Variants in ZDHHC21 observed in about 807,000 individuals in gnomAD.
ZDHHC21 encodes zDHHC palmitoyltransferase 21.
A neutral mutation model predicts 34.6 loss-of-function variants in ZDHHC21; 15 were observed. The observed-to-expected ratio is 0.43, with a 90% confidence interval of 0.29 to 0.67. The LOEUF is 0.67. ZDHHC21 is among the 30% of genes least tolerant of loss of function. The pLI is 0.14. For synonymous variants in ZDHHC21, 142 were observed against 101.8 expected, an observed-to-expected ratio of 1.40 and a Z score of -2.38; for missense variants, 344 against 327.7, an observed-to-expected ratio of 1.05 and a Z score of -0.38.
chr9:14,657,949 T>C (rs917875981), intron 7 of ZDHHC21, among the ~76,000 whole-genome samples: 1 of 152,184 alleles, frequency 6.6e-6, no homozygotes, highest in Non-Finnish European at 1.5e-5. Context: ...AATTTATCTA[T>C]AAATAAGATG....
At position 14,615,511 on chromosome 9, in the gene ZDHHC21, C is replaced by T. The variant is rs1185786387; in HGVS notation, c.*3455G>A. Reference sequence around the variant, plus strand: ...AAACAGCTATTTCTAATGTTAAGCACAAATATTTGTAATACAACTCTTAAG... The same window carrying T: ...AAACAGCTATTTCTAATGTTAAGCATAAATATTTGTAATACAACTCTTAAG... On this transcript the variant is annotated 3_prime_UTR_variant, in exon 10 of 10. Transcript: ENST00000380916. 2.0e-5 allele frequency: 3 copies of T among 151,786 alleles called. No homozygotes were observed. Among genetic ancestry groups the T allele is most frequent in the East Asian group, 3.9e-4 (2 of 5,172 alleles). The allele number at this position is 151,786 out of a possible 1,614,324, so 9.4% of individuals were successfully genotyped here.
At chr9:14,660,265 C>T (rs1244528157) in intron 6 of ZDHHC21, among the ~76,000 whole-genome samples, 1 of 147,394 alleles carries the variant, frequency 6.8e-6, no homozygotes, top group Non-Finnish European at 1.5e-5. Flanking sequence ...ACTCGGGAGG[C>T]TGAGGCAGGA....
chr9:14,687,449 T>A (rs929078123), intron 2 of ZDHHC21, among the ~76,000 whole-genome samples: 2 of 150,726 alleles, frequency 1.3e-5, no homozygotes, highest in Non-Finnish European at 2.9e-5. Context: ...GGTGGGCAGA[T>A]CATCTGAGGT....
chr9:14,652,404 G>A (rs1831388260), intron 7 of ZDHHC21, among the ~76,000 whole-genome samples: 1 of 151,822 alleles, frequency 6.6e-6, no homozygotes, highest in Non-Finnish European at 1.5e-5. Context: ...GCACATCTTA[G>A]TCCTTACTTC....
At chr9:14,658,464 CTTTTTTTTTTTTTT>C (rs769819264) in intron 7 of ZDHHC21, among the ~76,000 whole-genome samples, 5 of 65,390 alleles carry the variant, frequency 7.6e-5, no homozygotes, top group East Asian at 5.3e-4. Flanking sequence ...ATAAACATTT[CTTTTTTTTTTTTTT>C]TTTTTTTTTT....
In ZDHHC21 at chr9:14,614,298, A is replaced by G. The variant is rs971595507; in HGVS notation, c.*4668T>C. On this transcript the variant is annotated 3_prime_UTR_variant, in exon 10 of 10. Coordinates refer to ENST00000380916, the MANE Select transcript of ZDHHC21 (RefSeq NM_178566.6). ...GATAATGGAAAGTATCAGTAATATCAATGACTTTTTAAAATACCATTGTTA... is the reference window on the plus strand; with the variant it reads ...GATAATGGAAAGTATCAGTAATATCGATGACTTTTTAAAATACCATTGTTA... 4.0e-3 allele frequency: 35 copies of G among 8,788 alleles called. No homozygotes were observed. The highest frequency in any genetic ancestry group is 9.2e-3 in the African/African-American group (29 of 3,152). The allele number at this position is 8,788 out of a possible 1,614,324, so 0.5% of individuals were successfully genotyped here. A position where few individuals can be genotyped will look rare whatever the true frequency, so the allele number is the denominator to read the frequency against.
At chr9:14,681,220 T>C (rs1257122165) in intron 2 of ZDHHC21, among the ~76,000 whole-genome samples, 1 of 152,164 alleles carries the variant, frequency 6.6e-6, no homozygotes, top group Non-Finnish European at 1.5e-5. Flanking sequence ...ATTGCTATTC[T>C]ATTTTACTCT....
Position 14,618,623 on chromosome 9 carries a change from T to G in ZDHHC21, c.*343A>C, listed in dbSNP as rs1824690749. The G allele has an allele frequency of 5.7e-6, 1 of 174,868 alleles. No individual in the cohort carries two copies. Among genetic ancestry groups the G allele is most frequent in the Non-Finnish European group, 1.2e-5 (1 of 83,438 alleles). 10.8% of individuals were successfully genotyped at this position (174,868 alleles called of 1,614,324 possible). A position where few individuals can be genotyped will look rare whatever the true frequency, so the allele number is the denominator to read the frequency against. On this transcript the variant is annotated 3_prime_UTR_variant, in exon 10 of 10. Transcript: ENST00000380916. ...AAAATTTTAAATAAACATCTGAAAT[T>G]TACCATAAATTAGAATCTGTAACAC... is the stretch of plus-strand genomic sequence containing the variant.
At chr9:14,623,024 C>A (rs1564200966) in intron 8 of ZDHHC21, among the ~76,000 whole-genome samples, 1 of 151,788 alleles carries the variant, frequency 6.6e-6, no homozygotes, top group African/African-American at 2.4e-5. Context: ...ACAATCTACT[C>A]AAAATGGATC....
At chr9:14,646,594 C>T (rs1227508884) in intron 7 of ZDHHC21, among the ~76,000 whole-genome samples, 1 of 152,082 alleles carries the variant, frequency 6.6e-6, no homozygotes, top group Non-Finnish European at 1.5e-5. Context: ...TCACCTACAA[C>T]TACACTGACC....
the ZDHHC21 span, among the ~76,000 whole-genome samples, chr9:14,599,764 G>C: frequency 6.8e-4 from 103 of 152,036 alleles, no homozygotes; most frequent in Middle Eastern, 6.8e-3. Context: ...CAAGCTTAGT[G>C]GGGGGAGGGG....
the ZDHHC21 span, among the ~76,000 whole-genome samples, chr9:14,600,214 T>C: frequency 2.6e-5 from 4 of 152,196 alleles, no homozygotes; most frequent in Non-Finnish European, 5.9e-5. Context: ...GGAAGTCACA[T>C]TGTCTCTGTT....
At chr9:14,677,309 A>C (rs1461816381) in intron 3 of ZDHHC21, 1 of 151,942 alleles carries the variant, frequency 6.6e-6, no homozygotes, top group African/African-American at 2.4e-5. Flanking sequence ...TGATTGGTAA[A>C]ACTTAGCTCC....
chr9:14,612,346 C>G lies in ZDHHC21; in HGVS notation c.*6620G>C, dbSNP rs1346631531. ...TGCCTTTCCAATATACACACTGTCA[C>G]CTTCTTGCCAGAATGATTAACCATT... is the stretch of plus-strand genomic sequence containing the variant. On this transcript the variant is annotated 3_prime_UTR_variant, in exon 10 of 10. Transcript: ENST00000380916. 1 of 151,986 alleles carries G rather than the reference C, an allele frequency of 6.6e-6. No homozygotes were observed. The highest frequency in any genetic ancestry group is 1.5e-5 in the Non-Finnish European group (1 of 67,928). The allele number at this position is 151,986 out of a possible 1,614,324, so 9.4% of individuals were successfully genotyped here. A position where few individuals can be genotyped will look rare whatever the true frequency, so the allele number is the denominator to read the frequency against.
rs1439176907 is a variant in ZDHHC21 at position 14,613,447 on chromosome 9, G to C, written c.*5519C>G. On this transcript the variant is annotated 3_prime_UTR_variant, in exon 10 of 10. Transcript: ENST00000380916. Reference sequence around the variant, plus strand: ...CAATGTATACTGGCAAGAATATATAGCTTGCAATACGCAGGTAAGCTTTCC... The same window carrying C: ...CAATGTATACTGGCAAGAATATATACCTTGCAATACGCAGGTAAGCTTTCC... The C allele has an allele frequency of 6.6e-6, 1 of 151,760 alleles. No individual in the cohort carries two copies. Among genetic ancestry groups the C allele is most frequent in the East Asian group, 1.9e-4 (1 of 5,184 alleles). The allele number at this position is 151,760 out of a possible 1,614,324, so 9.4% of individuals were successfully genotyped here.
chr9:14,604,077 T>G, the ZDHHC21 span, among the ~76,000 whole-genome samples: 2 of 152,134 alleles, frequency 1.3e-5, no homozygotes, highest in Non-Finnish European at 2.9e-5. Context: ...AGCAAAAATA[T>G]GTATCAATAA....
chr9:14,601,335 AGG>A, the ZDHHC21 span, among the ~76,000 whole-genome samples: 1 of 152,262 alleles, frequency 6.6e-6, no homozygotes, highest in Non-Finnish European at 1.5e-5. Flanking sequence ...AAGTGTGCAA[AGG>A]ATATGAACAG....
At chr9:14,664,755 C>T (rs1834094629) in intron 5 of ZDHHC21, among the ~76,000 whole-genome samples, 1 of 152,008 alleles carries the variant, frequency 6.6e-6, no homozygotes, top group Non-Finnish European at 1.5e-5. Context: ...TCTCACACAG[C>T]AGGGTATTCC....
At chr9:14,672,357 G>C (rs564753760) in intron 5 of ZDHHC21, among the ~76,000 whole-genome samples, 2 of 151,874 alleles carry the variant, frequency 1.3e-5, no homozygotes, top group South Asian at 4.2e-4. Flanking sequence ...ATTTACAAAA[G>C]AATCAGGTAA....
Sources: allele counts gnomAD v4.1 joint callset (sites outside exome capture counted in the v4.1 genomes callset), GRCh38; gene constraint gnomAD v4.1.1; transcripts MANE v1.5; gene names NCBI Gene and HGNC (gene_info 2026-07-23, HGNC 2026-07-21).